HERC5: variants seen among roughly 807,000 people sequenced by gnomAD.
The protein encoded by HERC5 is HECT and RLD domain containing E3 ubiquitin protein ligase 5, also known as E3 ISG15--protein ligase HERC5.
Under a neutral mutation model 119.6 loss-of-function variants are expected in HERC5, and 99 were observed. That is an observed-to-expected ratio of 0.83 (90% confidence interval 0.70 to 0.98). The LOEUF (loss-of-function observed/expected upper bound fraction) is 0.98. HERC5 is among the 50% of genes least tolerant of loss of function. The probability of loss-of-function intolerance (pLI) is 0.00; values close to 1 mark genes in which losing one functional copy is unlikely to be tolerated. For synonymous variants in HERC5, 478 were observed against 445.9 expected (o/e 1.07, Z -0.91); for missense variants, 1,267 against 1,241.3 (o/e 1.02, Z -0.31).
intron 13 of HERC5, among the ~76,000 whole-genome samples, chr4:88,484,464 T>G (rs2149100208): frequency 6.6e-6 from 1 of 152,318 alleles, no homozygotes; most frequent in African/African-American, 2.4e-5. Flanking sequence ...TTGGTAGTAC[T>G]TTACATTTTT....
chr4:88,483,803 T>C (rs1025256871), intron 13 of HERC5, among the ~76,000 whole-genome samples: 1 of 152,210 alleles, frequency 6.6e-6, no homozygotes, highest in African/African-American at 2.4e-5. Flanking sequence ...GTGCTGGGAT[T>C]ACAGGCATGA....
intron 13 of HERC5, among the ~76,000 whole-genome samples, chr4:88,483,452 C>G (rs1578057157): frequency 6.6e-6 from 1 of 151,852 alleles, no homozygotes; most frequent in South Asian, 2.1e-4. Flanking sequence ...AAGTGATTCT[C>G]CACCTGGGCC....
intron 20 of HERC5, among the ~76,000 whole-genome samples, chr4:88,502,747 G>A (rs541207523): frequency 6.6e-6 from 1 of 152,142 alleles, no homozygotes; most frequent in East Asian, 1.9e-4. Context: ...ATTCCATTGT[G>A]GTTTTAATTT....
At chr4:88,502,801 G>C (rs564012212) in intron 20 of HERC5, among the ~76,000 whole-genome samples, 1 of 151,794 alleles carries the variant, frequency 6.6e-6, no homozygotes, top group Admixed American at 6.6e-5. Context: ...TATGCTTATT[G>C]GCTGTTTGGA....
chr4:88,477,218 CAAAA>C (rs1200899999), intron 12 of HERC5, among the ~76,000 whole-genome samples: 2 of 90,072 alleles, frequency 2.2e-5, no homozygotes, highest in African/African-American at 9.3e-5. Flanking sequence ...TACAATCAAT[CAAAA>C]GAAAGGAAGG....
At chr4:88,492,984 T>C (rs755946171) in intron 16 of HERC5, 28 bp from the exon 17 acceptor site, 1 of 1,610,398 alleles carries the variant, frequency 6.2e-7, no homozygotes, top group Non-Finnish European at 8.5e-7. Context: ...GCCCTGGAAG[T>C]GATGTATTAT....
At chr4:88,463,456 G>A (rs1740521642) in intron 4 of HERC5, 76 bp from the exon 5 acceptor site, 2 of 891,920 alleles carry the variant, frequency 2.2e-6, no homozygotes, top group Non-Finnish European at 1.8e-6. Context: ...GGGTTGAGAA[G>A]CAGCAGTCCA....
At chr4:88,495,386 A>C (rs1351623734) in intron 18 of HERC5, among the ~76,000 whole-genome samples, 1 of 152,084 alleles carries the variant, frequency 6.6e-6, no homozygotes, top group East Asian at 1.9e-4. Context: ...TCATCTCTAC[A>C]AAAACAAACA....
chr4:88,500,077 T>TAA (rs201793802), intron 19 of HERC5, 85 bp downstream of exon 19: 70 of 725,110 alleles, frequency 9.7e-5, no homozygotes, highest in East Asian at 4.6e-4. Context: ...AACTTTTACT[T>TAA]AAAAAAAAAA....
At chr4:88,457,596 A>T in intron 1 of HERC5, 62 bp downstream of exon 1, 17 of 1,200,628 alleles carry the variant, frequency 1.4e-5, no homozygotes, top group South Asian at 4.1e-5. Flanking sequence ...GAGGGCTGTG[A>T]GGGGCGGGCA....
intron 20 of HERC5, among the ~76,000 whole-genome samples, chr4:88,502,598 G>A (rs146222921): frequency 0.027 from 4,114 of 152,216 alleles, 83 homozygotes; most frequent in Non-Finnish European, 0.042. Flanking sequence ...AGTGGGACTT[G>A]AAAGCTGTTA....
At chr4:88,461,800 G>A (rs899259274) in intron 3 of HERC5, among the ~76,000 whole-genome samples, 3 of 152,060 alleles carry the variant, frequency 2.0e-5, no homozygotes, top group Non-Finnish European at 2.9e-5. Context: ...TTTCATAGAG[G>A]TAGATTGCTT....
intron 6 of HERC5, among the ~76,000 whole-genome samples, chr4:88,465,602 G>A (rs1011974354): frequency 2.0e-5 from 3 of 152,158 alleles, no homozygotes; most frequent in South Asian, 4.2e-4. Flanking sequence ...TCACCTCTTT[G>A]GATTCTTCAT....
chr4:88,495,347 G>C (rs143785832), intron 18 of HERC5, among the ~76,000 whole-genome samples: 1 of 152,250 alleles, frequency 6.6e-6, no homozygotes, highest in Non-Finnish European at 1.5e-5. Flanking sequence ...CCAGGAGTTT[G>C]AGACCTGCCT....
intron 6 of HERC5, among the ~76,000 whole-genome samples, chr4:88,464,193 A>G (rs1244832095): frequency 6.9e-6 from 1 of 144,956 alleles, no homozygotes; most frequent in African/African-American, 2.5e-5. Context: ...TTTTTTTTTA[A>G]ATGAGCAGAT....
chr4:88,497,953 T>C (rs972840405), intron 18 of HERC5, among the ~76,000 whole-genome samples: 2 of 152,170 alleles, frequency 1.3e-5, no homozygotes, highest in Non-Finnish European at 1.5e-5. Context: ...GGACATTTGA[T>C]GTCCAGCGCT....
At chr4:88,464,859 C>T (rs1473978936) in intron 6 of HERC5, among the ~76,000 whole-genome samples, 2 of 152,204 alleles carry the variant, frequency 1.3e-5, no homozygotes, top group Non-Finnish European at 2.9e-5. Context: ...CAAGCTCCGC[C>T]TCCTGGGTTC....
At chr4:88,469,336 T>A (rs968899161) in intron 9 of HERC5, 76 bp downstream of exon 9, 1 of 965,668 alleles carries the variant, frequency 1.0e-6, no homozygotes, top group Admixed American at 1.9e-5. Context: ...TGCACAGCAA[T>A]ATGAGATTTT....
chr4:88,476,023 G>T lies in HERC5; in HGVS notation c.1575G>T (p.Leu525=). The change falls in exon 12 of 23, where the codon CTG becomes CTT. Residue 525 remains leucine, a synonymous_variant. Coordinates refer to ENST00000264350, the MANE Select transcript of HERC5 (RefSeq NM_016323.4). ...GTAAAATGAGTGACCAGTCTTCACT[G>T]GTTCTGGGTAAGTTTGATCATTTGA... ...VVCKMSDQSS[L]VLEEYWATLQ... 6.2e-7 allele frequency: 1 copy of T among 1,611,240 alleles called. No individual in the cohort carries two copies.
Sources: allele counts gnomAD v4.1 joint callset (sites outside exome capture counted in the v4.1 genomes callset), GRCh38; gene constraint gnomAD v4.1.1; transcripts MANE v1.5; gene names NCBI Gene and HGNC (gene_info 2026-07-23, HGNC 2026-07-21).